GLIS3: variants seen among roughly 807,000 people sequenced by gnomAD.
GLIS3 encodes the protein zinc finger protein GLIS3.
Under a neutral mutation model 78.6 loss-of-function variants are expected in GLIS3, and 53 were observed. The ratio of observed to expected loss-of-function variants is 0.67; its 90% CI spans 0.54 to 0.85. The LOEUF (loss-of-function observed/expected upper bound fraction) is 0.85. Ranked by LOEUF, GLIS3 falls within the 40% of genes least tolerant of loss-of-function variation. GLIS3 has a pLI of 0.00. For synonymous variants in GLIS3, 684 were observed against 509.9 expected, an observed-to-expected ratio of 1.34 and a Z score of -4.60; for missense variants, 1,703 against 1,231.1, an observed-to-expected ratio of 1.38 and a Z score of -5.74.
rs906638030 is a variant in GLIS3, at chr9:4,124,855, G to C, written c.596+879C>G. Among the ~76,000 whole-genome samples the C allele has an allele frequency of 2.0e-5, 3 of 152,294 alleles. No individual in the cohort carries two copies. The South Asian group carries it at 6.2e-4, about 32-fold the overall frequency. On this transcript the variant is annotated intron_variant, in intron 3 of 10. Transcript: ENST00000381971. Reference sequence around the variant, plus strand: ...ATTCCTTTGCAAGACCATAGTTATGGCAGAACTAGGACTAAGGCAGAAACT... The same window carrying C: ...ATTCCTTTGCAAGACCATAGTTATGCCAGAACTAGGACTAAGGCAGAAACT...
At chr9:4,113,052 T>C (rs1021618927) in intron 4 of GLIS3, among the ~76,000 whole-genome samples, 1 of 152,072 alleles carries the variant, frequency 6.6e-6, no homozygotes, top group Non-Finnish European at 1.5e-5. Context: ...CTATATAATA[T>C]TGCCCGGTTT....
chr9:4,206,168 G>T (rs1380977400), intron 2 of GLIS3, among the ~76,000 whole-genome samples: 1 of 152,088 alleles, frequency 6.6e-6, no homozygotes, highest in Non-Finnish European at 1.5e-5. Context: ...ATCTATAACA[G>T]AACTATCTGG....
upstream of GLIS3, among the ~76,000 whole-genome samples, chr9:4,352,028 ATC>A (rs1234612546): frequency 3.9e-5 from 6 of 152,210 alleles, no homozygotes; most frequent in African/African-American, 1.4e-4. Flanking sequence ...ATTTTCTAAA[ATC>A]TCTTTCTTTT....
At chr9:3,931,017 C>T (rs17694661) in intron 6 of GLIS3, among the ~76,000 whole-genome samples, 3,915 of 152,162 alleles carry the variant, frequency 0.026, 103 homozygotes, top group Admixed American at 0.059. Flanking sequence ...CTTAGCAGTT[C>T]CTTTGCTTTT....
chr9:4,256,817 C>T (rs1418108066), intron 2 of GLIS3, among the ~76,000 whole-genome samples: 3 of 151,310 alleles, frequency 2.0e-5, no homozygotes, highest in African/African-American at 7.3e-5. Flanking sequence ...AAGAGAACTA[C>T]CATACGATCC....
chr9:4,194,601 C>T lies in GLIS3; in HGVS notation c.389-68660G>A, dbSNP rs1385216798. Among the ~76,000 whole-genome samples the T allele has an allele frequency of 2.6e-5, 4 of 152,096 alleles. No homozygotes were observed. In the East Asian group the frequency reaches 7.7e-4, roughly 29 times the overall value. On this transcript the variant is annotated intron_variant, in intron 2 of 10. Transcript: ENST00000381971. ...CTCTGTGAGCTTTAATTCAAGAAAG[C>T]AAATGGAAGCCCAGCAGAATCATTA...
chr9:4,272,788 T>A (rs1826633910), intron 2 of GLIS3, among the ~76,000 whole-genome samples: 1 of 152,184 alleles, frequency 6.6e-6, no homozygotes, highest in African/African-American at 2.4e-5. Flanking sequence ...GCTGTTAAGA[T>A]TCTGAATCTA....
intron 4 of GLIS3, among the ~76,000 whole-genome samples, chr9:3,983,002 C>T (rs954987383): frequency 2.6e-5 from 4 of 152,136 alleles, no homozygotes; most frequent in South Asian, 2.1e-4. Context: ...CATTCTCTTG[C>T]GCTTGTTATA....
chr9:4,196,542 C>T (rs962412337), intron 2 of GLIS3, among the ~76,000 whole-genome samples: 1 of 152,150 alleles, frequency 6.6e-6, no homozygotes, highest in African/African-American at 2.4e-5. Flanking sequence ...CCAGCAAGAC[C>T]ACGAACCCAC....
At chr9:4,042,200 T>A (rs1010037893) in intron 4 of GLIS3, among the ~76,000 whole-genome samples, 3 of 152,086 alleles carry the variant, frequency 2.0e-5, no homozygotes, top group African/African-American at 4.8e-5. Context: ...AGTGGAGAGA[T>A]TTGGGTACCA....
At chr9:4,456,089 C>G in the GLIS3 span, among the ~76,000 whole-genome samples, 2 of 151,860 alleles carry the variant, frequency 1.3e-5, no homozygotes, top group Non-Finnish European at 1.5e-5. Context: ...GCCTGGGCGA[C>G]AGAGTGAGAC....
At position 4,187,816 on chromosome 9, in the gene GLIS3, A is replaced by C. The variant is rs576526344; in HGVS notation, c.389-61875T>G. On this transcript the variant is annotated intron_variant, in intron 2 of 10. Coordinates refer to ENST00000381971, the MANE Select transcript of GLIS3 (RefSeq NM_001042413.2). ...TCTGTTTGTCTGTTATTGGTGTATAAGAATGCTTGTGATTTTTGCACATTG... is the reference window on the plus strand; with the variant it reads ...TCTGTTTGTCTGTTATTGGTGTATACGAATGCTTGTGATTTTTGCACATTG... 2.6e-5 allele frequency among the ~76,000 whole-genome samples: 4 copies of C among 152,214 alleles called. No homozygotes were observed. In the South Asian group the frequency reaches 8.3e-4, roughly 32 times the overall value.
At chr9:4,403,496 C>G in the GLIS3 span, among the ~76,000 whole-genome samples, 101 of 152,184 alleles carry the variant, frequency 6.6e-4, no homozygotes, top group Non-Finnish European at 2.4e-4. Flanking sequence ...AAAATAATAA[C>G]TACAACAACT....
At chr9:4,356,037 A>C in the GLIS3 span, among the ~76,000 whole-genome samples, 1 of 152,218 alleles carries the variant, frequency 6.6e-6, no homozygotes, top group Non-Finnish European at 1.5e-5. Flanking sequence ...TAGTCAAAAA[A>C]TATATTTTCC....
intron 2 of GLIS3, among the ~76,000 whole-genome samples, chr9:4,150,267 C>T (rs922793781): frequency 2.0e-5 from 3 of 152,206 alleles, no homozygotes; most frequent in African/African-American, 4.8e-5. Context: ...TTTGATCTTA[C>T]ACAACTGGAC....
At chr9:4,286,755 G>A (rs972707488) in intron 1 of GLIS3, among the ~76,000 whole-genome samples, 7 of 152,150 alleles carry the variant, frequency 4.6e-5, no homozygotes, top group Admixed American at 1.3e-4. Context: ...TTGCCACTGA[G>A]CCCTTCTCAA....
At chr9:3,910,905 C>T (rs1824096426) in intron 6 of GLIS3, among the ~76,000 whole-genome samples, 1 of 152,166 alleles carries the variant, frequency 6.6e-6, no homozygotes, top group Non-Finnish European at 1.5e-5. Flanking sequence ...TTCCATTCAG[C>T]ACCTTAATTA....
intron 2 of GLIS3, among the ~76,000 whole-genome samples, chr9:4,218,380 G>C (rs899778575): frequency 6.6e-6 from 1 of 152,184 alleles, no homozygotes; most frequent in East Asian, 1.9e-4. Context: ...CCGGGTTCAC[G>C]CCATTCTCCT....
At chr9:4,100,994 G>A (rs1377672545) in intron 4 of GLIS3, among the ~76,000 whole-genome samples, 2 of 152,162 alleles carry the variant, frequency 1.3e-5, no homozygotes, top group Non-Finnish European at 2.9e-5. Context: ...GAACTGGGCT[G>A]GGGGCCCCTG....
Sources: allele counts gnomAD v4.1 joint callset (sites outside exome capture counted in the v4.1 genomes callset), GRCh38; gene constraint gnomAD v4.1.1; transcripts MANE v1.5; gene names NCBI Gene and HGNC (gene_info 2026-07-23, HGNC 2026-07-21).